SMCO2: variants seen among roughly 807,000 people sequenced by gnomAD.
The protein encoded by SMCO2 is single-pass membrane and coiled-coil domain-containing protein 2.
SMCO2 carries 25 observed loss-of-function variants against 29.5 expected under a neutral mutation model. That is an observed-to-expected ratio of 0.85 (90% CI 0.62 to 1.18). The LOEUF (loss-of-function observed/expected upper bound fraction) is 1.18. SMCO2 is among the 50% of genes most tolerant of loss of function. SMCO2 has a pLI of 0.00. For synonymous variants in SMCO2, 117 were observed against 123.3 expected (o/e 0.95, Z 0.34); for missense variants, 348 against 344.5 (o/e 1.01, Z -0.08).
the SMCO2 span, among the ~76,000 whole-genome samples, chr12:27,434,319 CGA>C: frequency 6.6e-6 from 1 of 152,082 alleles, no homozygotes; most frequent in African/African-American, 2.4e-5. Flanking sequence ...TACGTGATTC[CGA>C]GACACGCTAC....
chr12:27,463,506 A>G (rs550626957), upstream of SMCO2, among the ~76,000 whole-genome samples: 1 of 152,082 alleles, frequency 6.6e-6, no homozygotes, highest in African/African-American at 2.4e-5. Context: ...ACCTCAAGTG[A>G]TCTGCCCGCC....
chr12:27,461,354 G>A, the SMCO2 span, among the ~76,000 whole-genome samples: 1 of 152,048 alleles, frequency 6.6e-6, no homozygotes, highest in African/African-American at 2.4e-5. Flanking sequence ...TTTCATCATC[G>A]AGGTAATAGC....
chr12:27,445,691 G>A, the SMCO2 span, among the ~76,000 whole-genome samples: 47 of 152,300 alleles, frequency 3.1e-4, no homozygotes, highest in Non-Finnish European at 5.7e-4. Context: ...ATGTGTCCCA[G>A]CAAGACCACT....
the SMCO2 span, among the ~76,000 whole-genome samples, chr12:27,432,360 A>G: frequency 6.6e-6 from 1 of 151,966 alleles, no homozygotes; most frequent in Non-Finnish European, 1.5e-5. Flanking sequence ...CTTATTTTGG[A>G]AAAAAAATAC....
At chr12:27,439,437 CAT>C in the SMCO2 span, among the ~76,000 whole-genome samples, 12 of 152,148 alleles carry the variant, frequency 7.9e-5, no homozygotes, top group Non-Finnish European at 1.8e-4. Context: ...AAGACGTAGA[CAT>C]ATACTCACAA....
chr12:27,425,639 G>A, the SMCO2 span, among the ~76,000 whole-genome samples: 3,090 of 152,228 alleles, frequency 0.02, 112 homozygotes, highest in African/African-American at 0.071. Flanking sequence ...AGTTCCAAGC[G>A]TATATTGTTC....
upstream of SMCO2, among the ~76,000 whole-genome samples, chr12:27,462,925 C>T (rs1469905001): frequency 6.6e-6 from 1 of 152,194 alleles, no homozygotes; most frequent in Non-Finnish European, 1.5e-5. Context: ...TCTGGGATCC[C>T]ATATCCTTCT....
At chr12:27,494,487 T>TTTATTA (rs60980302) in intron 6 of SMCO2, 131 bp downstream of exon 7, 46,111 of 176,040 alleles carry the variant, frequency 0.26, 6,696 homozygotes, top group Non-Finnish European at 0.31. Context: ...TTTAATTTAA[T>TTTATTA]TTATTATTAT....
At chr12:27,434,194 T>G in the SMCO2 span, among the ~76,000 whole-genome samples, 5 of 152,350 alleles carry the variant, frequency 3.3e-5, no homozygotes, top group East Asian at 9.6e-4. Flanking sequence ...GTCCTGAGAC[T>G]GATAACATTA....
the SMCO2 span, among the ~76,000 whole-genome samples, chr12:27,455,983 G>T: frequency 6.6e-6 from 1 of 152,248 alleles, no homozygotes; most frequent in Non-Finnish European, 1.5e-5. Flanking sequence ...GCCGAGGTGG[G>T]TGGATCCCAA....
chr12:27,435,294 CCCCCCCCCG>C, the SMCO2 span, among the ~76,000 whole-genome samples: 240 of 22,696 alleles, frequency 0.011, 80 homozygotes, highest in African/African-American at 0.021. Flanking sequence ...CCCCCCCCCC[CCCCCCCCCG>C]GCAATTGTGA....
chr12:27,478,998 C>G (rs1324460623), intron 4 of SMCO2, among the ~76,000 whole-genome samples: 1 of 152,160 alleles, frequency 6.6e-6, no homozygotes, highest in Non-Finnish European at 1.5e-5. Context: ...GATTACCAGG[C>G]TCCTGGATAG....
chr12:27,454,339 G>C, the SMCO2 span, among the ~76,000 whole-genome samples: 1 of 152,116 alleles, frequency 6.6e-6, no homozygotes, highest in Non-Finnish European at 1.5e-5. Context: ...AATGAGTATT[G>C]TTTTGTATAC....
chr12:27,446,953 G>A, the SMCO2 span, among the ~76,000 whole-genome samples: 6 of 152,116 alleles, frequency 3.9e-5, no homozygotes, highest in African/African-American at 1.4e-4. Context: ...GTCTGGGGTC[G>A]GGGTTAGGGA....
chr12:27,488,576 A>C (rs1277009482), intron 5 of SMCO2, 29 bp downstream of exon 6: 2 of 1,485,204 alleles, frequency 1.3e-6, no homozygotes, highest in Admixed American at 4.6e-5. Context: ...AAAGACTGAG[A>C]GGTTGGGGAT....
the SMCO2 span, among the ~76,000 whole-genome samples, chr12:27,449,760 T>G: frequency 6.6e-6 from 1 of 152,264 alleles, no homozygotes; most frequent in Non-Finnish European, 1.5e-5. Flanking sequence ...TCTATTTCTC[T>G]GGCTGGGTAT....
the SMCO2 span, among the ~76,000 whole-genome samples, chr12:27,444,869 AAAG>A: frequency 6.6e-6 from 1 of 152,214 alleles, no homozygotes; most frequent in Non-Finnish European, 1.5e-5. Flanking sequence ...TCAATATATC[AAAG>A]AGATAGCTGC....
chr12:27,486,737 A>G (rs1197159646), intron 4 of SMCO2, among the ~76,000 whole-genome samples: 1 of 152,230 alleles, frequency 6.6e-6, no homozygotes, highest in Non-Finnish European at 1.5e-5. Flanking sequence ...TAAATGCTGA[A>G]CAAATACCTT....
In SMCO2 at chr12:27,472,271, C is replaced by T. The variant is rs554291190; in HGVS notation, c.135-505C>T. Among the ~76,000 whole-genome samples, 11 of 152,068 alleles carry T rather than the reference C, an allele frequency of 7.2e-5. No individual in the cohort carries two copies. In the South Asian group the frequency reaches 1.2e-3, roughly 17 times the overall value. On this transcript the variant is annotated intron_variant, in intron 2 of 7. Transcript: ENST00000298876. ...CTGTATAATATATATAATATATACA[C>T]GCATACATGCATACATAAACATCTC...
Sources: gnomAD v4.1 joint callset for allele counts (sites outside exome capture counted in the v4.1 genomes callset) on GRCh38, gnomAD v4.1.1 for gene constraint, MANE v1.5 for transcripts, NCBI Gene and HGNC (gene_info 2026-07-23, HGNC 2026-07-21) for gene names.